ARHGEF38: variants seen among roughly 807,000 people sequenced by gnomAD.
ARHGEF38 encodes the protein Rho guanine nucleotide exchange factor 38.
Under a neutral mutation model 79.9 loss-of-function variants are expected in ARHGEF38, and 79 were observed. That is an observed-to-expected ratio of 0.99 (90% CI 0.82 to 1.19). The LOEUF (loss-of-function observed/expected upper bound fraction) is 1.19, where lower values mean the gene tolerates loss of function less well. ARHGEF38 is among the 50% of genes most tolerant of loss of function. The probability of loss-of-function intolerance (pLI) is 0.00; values close to 1 mark genes in which losing one functional copy is unlikely to be tolerated. For missense variants in ARHGEF38, 962 were observed against 907.2 expected, an observed-to-expected ratio of 1.06 and a Z score of -0.78; for synonymous variants, 366 against 328.3, an observed-to-expected ratio of 1.11 and a Z score of -1.24.
In ARHGEF38 at chr4:105,561,478, TA is replaced by T. The variant is rs1725593790; in HGVS notation, c.196+8518del. 34 of 128,068 alleles carry T rather than the reference TA, an allele frequency of 2.7e-4. 2 individuals are homozygous for T. The highest frequency in any genetic ancestry group is 7.1e-4 in the Admixed American group (9 of 12,662). 7.9% of individuals were successfully genotyped at this position (128,068 alleles called of 1,614,324 possible). The stretch of plus-strand genomic sequence containing the variant: ...TAGAATAGAATAGAATAGAATAGAA[TA>T]GAATAGAATAGAATAGAATAGAATA... On this transcript the variant is annotated intron_variant, in intron 1 of 13. Coordinates refer to ENST00000420470, the MANE Select transcript of ARHGEF38 (RefSeq NM_001242729.2).
intron 1 of ARHGEF38, among the ~76,000 whole-genome samples, chr4:105,569,435 C>T (rs376707309): frequency 6.6e-6 from 1 of 152,178 alleles, no homozygotes; most frequent in Non-Finnish European, 1.5e-5. Context: ...TCAATCTCCC[C>T]TCTTGCCCTT....
At chr4:105,559,937 C>A (rs991387948) in intron 1 of ARHGEF38, among the ~76,000 whole-genome samples, 3 of 152,070 alleles carry the variant, frequency 2.0e-5, no homozygotes, top group African/African-American at 7.2e-5. Flanking sequence ...CTGTTCAGTT[C>A]TGATTTTATC....
intron 10 of ARHGEF38, among the ~76,000 whole-genome samples, chr4:105,664,764 G>T (rs1303645903): frequency 2.0e-5 from 3 of 152,192 alleles, no homozygotes; most frequent in Non-Finnish European, 4.4e-5. Flanking sequence ...CAACATCTAG[G>T]TTCAAAGAAA....
rs1401486741 is a variant in ARHGEF38 at position 105,679,639 on chromosome 4, G to A, written c.*1702G>A. ...AGCAGCATAAGAAATGGAAGCCAGA[G>A]ACCTTATGGCATCCATGCTTTTAAA... On this transcript the variant is annotated 3_prime_UTR_variant, in exon 14 of 14. Transcript: ENST00000420470. The A allele has an allele frequency of 1.1e-5, 9 of 804,524 alleles. No individual in the cohort carries two copies. In the East Asian group the frequency reaches 2.2e-4, roughly 20 times the overall value. The allele number at this position is 804,524 out of a possible 1,614,324, so 49.8% of individuals were successfully genotyped here.
intron 13 of ARHGEF38, among the ~76,000 whole-genome samples, chr4:105,669,471 T>A (rs1007275197): frequency 6.6e-6 from 1 of 152,194 alleles, no homozygotes; most frequent in Non-Finnish European, 1.5e-5. Flanking sequence ...GGTATGTACA[T>A]TTAACGTCTT....
chr4:105,594,343 G>A (rs186503588), intron 2 of ARHGEF38, among the ~76,000 whole-genome samples: 1 of 152,288 alleles, frequency 6.6e-6, no homozygotes, highest in East Asian at 1.9e-4. Context: ...AACTACCAGT[G>A]TCTTTGAGCA....
chr4:105,556,655 A>G (rs963266957), intron 1 of ARHGEF38, among the ~76,000 whole-genome samples: 1 of 152,106 alleles, frequency 6.6e-6, no homozygotes, highest in South Asian at 2.1e-4. Flanking sequence ...CTCATACACC[A>G]TGAAAGAAAC....
chr4:105,570,016 C>T (rs188074390), intron 1 of ARHGEF38: 9 of 152,254 alleles, frequency 5.9e-5, no homozygotes, highest in Admixed American at 2.6e-4. Context: ...CTACATAGAA[C>T]ATGATGTACC....
In ARHGEF38 at chr4:105,627,880, G is replaced by A. The variant is rs142934814; in HGVS notation, c.509-3018G>A. Among the ~76,000 whole-genome samples, 149 of 152,272 alleles carry A rather than the reference G, an allele frequency of 9.8e-4. 3 individuals carry two copies. The East Asian group carries it at 0.028, about 28-fold the overall frequency. On this transcript the variant is annotated intron_variant, in intron 3 of 13. Coordinates refer to ENST00000420470, the MANE Select transcript of ARHGEF38 (RefSeq NM_001242729.2). ...GCACTATTATGAAGCAGAATACATTGGTAGGGCTGGGAGGGGAATAAAATA... is the reference window on the plus strand; with the variant it reads ...GCACTATTATGAAGCAGAATACATTAGTAGGGCTGGGAGGGGAATAAAATA...
chr4:105,632,973 G>A lies in ARHGEF38; in HGVS notation c.656+1928G>A, dbSNP rs1039306475. The A allele has an allele frequency of 2.0e-5, 3 of 152,616 alleles. No homozygotes were observed. The East Asian group carries it at 5.8e-4, about 29-fold the overall frequency. 9.5% of individuals were successfully genotyped at this position (152,616 alleles called of 1,614,324 possible). A position where few individuals can be genotyped will look rare whatever the true frequency, so the allele number is the denominator to read the frequency against. On this transcript the variant is annotated intron_variant, in intron 4 of 13. Transcript: ENST00000420470. ...ATCATATCCCCACAAAGCAGCTAAA[G>A]GCAGAGGTGATTTTAGAACCTCATG... is the stretch of plus-strand genomic sequence containing the variant.
Position 105,677,886 on chromosome 4 carries a change from G to A in ARHGEF38, c.2283G>A (p.Gly761=). The change falls in exon 14 of 14, where the codon GGG becomes GGA. Residue 761 remains glycine (G), a synonymous_variant. Coordinates refer to ENST00000420470, the MANE Select transcript of ARHGEF38 (RefSeq NM_001242729.2). ...AGTGGTGGTTAGCTGAAGCTCAAGG[G>A]CAGAAAGGATACGTGCCAGCTAACT... ...NKEWWLAEAQ[G]QKGYVPANYL... is the part of the protein sequence containing the mutation. The A allele has an allele frequency of 6.5e-7, 1 of 1,534,166 alleles. No individual in the cohort carries two copies. The highest frequency in any genetic ancestry group is 8.7e-7 in the Non-Finnish European group (1 of 1,145,552).
intron 2 of ARHGEF38, among the ~76,000 whole-genome samples, chr4:105,597,999 C>G (rs1727658050): frequency 6.6e-6 from 1 of 151,902 alleles, no homozygotes; most frequent in South Asian, 2.1e-4. Context: ...GTTTACTCTC[C>G]CAAACTTTCC....
chr4:105,654,170 G>A lies in ARHGEF38; in HGVS notation c.1113+1G>A. On this transcript the variant is annotated splice_donor_variant, in intron 8 of 13. Transcript: ENST00000420470. LOFTEE classifies it high-confidence loss of function. ...TTCACTCTGTCTTCAACACATACAGGTAGGTGAGACACAACTGTTTTCAGT... is the reference window on the plus strand; with the variant it reads ...TTCACTCTGTCTTCAACACATACAGATAGGTGAGACACAACTGTTTTCAGT... 6.9e-7 allele frequency: 1 copy of A among 1,454,474 alleles called. No homozygotes were observed. The highest frequency in any genetic ancestry group is 9.2e-7 in the Non-Finnish European group (1 of 1,090,778). The allele number at this position is 1,454,474 out of a possible 1,614,324, so 90.1% of individuals were successfully genotyped here.
At chr4:105,643,512 A>G (rs907427208) in intron 5 of ARHGEF38, among the ~76,000 whole-genome samples, 1 of 152,214 alleles carries the variant, frequency 6.6e-6, no homozygotes, top group Non-Finnish European at 1.5e-5. Context: ...CATGTGAACA[A>G]AATTCCTCAG....
intron 2 of ARHGEF38, among the ~76,000 whole-genome samples, chr4:105,603,982 C>A (rs1727932795): frequency 6.6e-6 from 1 of 152,094 alleles, no homozygotes; most frequent in Non-Finnish European, 1.5e-5. Flanking sequence ...TGTTTTTTAA[C>A]CTTTTTGGTA....
intron 2 of ARHGEF38, among the ~76,000 whole-genome samples, chr4:105,606,047 G>T (rs748160699): frequency 1.3e-5 from 2 of 152,044 alleles, no homozygotes; most frequent in Admixed American, 1.3e-4. Flanking sequence ...ATGCATCCAG[G>T]CCTCACCAAA....
At chr4:105,555,505 C>T (rs1448891210) in intron 1 of ARHGEF38, among the ~76,000 whole-genome samples, 1 of 152,078 alleles carries the variant, frequency 6.6e-6, no homozygotes, top group East Asian at 1.9e-4. Context: ...TTAAGAAGCT[C>T]TTTATTATTC....
intron 1 of ARHGEF38, among the ~76,000 whole-genome samples, chr4:105,568,388 G>T (rs1726045905): frequency 6.6e-6 from 1 of 151,488 alleles, no homozygotes; most frequent in Admixed American, 6.6e-5. Flanking sequence ...TTACACTGTT[G>T]GTGGGACTGT....
intron 5 of ARHGEF38, among the ~76,000 whole-genome samples, chr4:105,637,728 A>G (rs150334857): frequency 2.0e-5 from 3 of 152,272 alleles, no homozygotes; most frequent in East Asian, 3.9e-4. Flanking sequence ...CCAAGAAACA[A>G]GAAGAGAGGA....
Sources: gnomAD v4.1 joint callset for allele counts (sites outside exome capture counted in the v4.1 genomes callset) on GRCh38, gnomAD v4.1.1 for gene constraint, MANE v1.5 for transcripts, NCBI Gene and HGNC (gene_info 2026-07-23, HGNC 2026-07-21) for gene names.